The following GPALPP1 variants were observed in gnomAD, a reference collection of about 807,000 sequenced individuals.
GPALPP1 encodes the protein GPALPP motifs containing 1, also known as GPALPP motifs-containing protein 1.
A neutral mutation model predicts 38.9 loss-of-function variants in GPALPP1; 30 were observed. The ratio of observed to expected loss-of-function variants is 0.77; its 90% CI spans 0.58 to 1.05. The LOEUF is 1.05. Ranked by LOEUF, GPALPP1 falls within the 50% of genes least tolerant of loss-of-function variation. The pLI is 0.00. For synonymous variants in GPALPP1, 120 were observed against 139.2 expected (o/e 0.86, Z 0.97); for missense variants, 384 against 408.8 (o/e 0.94, Z 0.52).
chr13:44,997,531 GGAGTA>G (rs1873379232), intron 1 of GPALPP1, among the ~76,000 whole-genome samples: 1 of 151,910 alleles, frequency 6.6e-6, no homozygotes, highest in African/African-American at 2.4e-5. Flanking sequence ...ATTTTAAGCT[GGAGTA>G]GTGAGTCTAC....
chr13:44,989,953 C>T, intron 1 of GPALPP1: 2 of 592,886 alleles, frequency 3.4e-6, no homozygotes, highest in Non-Finnish European at 6.0e-6. Flanking sequence ...GGTTTGGCTT[C>T]GTGATGATAA....
chr13:44,993,860 T>C (rs374020104), intron 1 of GPALPP1, among the ~76,000 whole-genome samples: 46 of 151,794 alleles, frequency 3.0e-4, no homozygotes, highest in African/African-American at 1.1e-3. Flanking sequence ...TGAAGTGGTA[T>C]CTCATTGCTT....
intron 7 of GPALPP1, among the ~76,000 whole-genome samples, chr13:45,024,147 C>CTGTGTGTGTGTG (rs58048658): frequency 1.7e-4 from 4 of 23,344 alleles, no homozygotes; most frequent in Non-Finnish European, 2.8e-4. Context: ...CCCTAAAACT[C>CTGTGTGTGTGTG]TGTGTGTGTG....
intron 7 of GPALPP1, among the ~76,000 whole-genome samples, chr13:45,026,059 T>C (rs11617557): frequency 0.049 from 7,530 of 152,272 alleles, 276 homozygotes; most frequent in East Asian, 0.12. Context: ...CGTGAGCCAC[T>C]GCGCCCAGCC....
rs762483039 is a variant in GPALPP1, at chr13:45,014,989, C to T, written c.446C>T (p.Pro149Leu). 1.2e-6 allele frequency: 2 copies of T among 1,604,734 alleles called. No homozygotes were observed. Among genetic ancestry groups the T allele is most frequent in the African/African-American group, 2.7e-5 (2 of 74,678 alleles). The change falls in exon 5 of 8, where the codon CCA (proline) becomes CTA (leucine). Residue 149 changes from proline (P) to leucine (L), a missense_variant. Transcript: ENST00000379151. ...DSSEDEDIIG[P>L]MPAKGPVNYN... ...AGTGAAGATGAGGATATTATTGGAC[C>T]AATGCCTGCAAAAGGACCAGTTAAC...
In GPALPP1 at chr13:44,989,568, T is replaced by G; in HGVS notation, c.-87T>G. Reference sequence around the variant, plus strand: ...TTCTCGGCGCCGGGAAACCTGCCATTCTTCGCTGCTGATCGCGGGATTCTT... The same window carrying G: ...TTCTCGGCGCCGGGAAACCTGCCATGCTTCGCTGCTGATCGCGGGATTCTT... On this transcript the variant is annotated 5_prime_UTR_variant, in exon 1 of 8. It adds an upstream start codon to the 5' untranslated region. Transcript: ENST00000379151. 2.0e-6 allele frequency: 3 copies of G among 1,487,924 alleles called. No homozygotes were observed. Among genetic ancestry groups the G allele is most frequent in the Non-Finnish European group, 2.8e-6 (3 of 1,073,014 alleles). 92.2% of individuals were successfully genotyped at this position (1,487,924 alleles called of 1,614,324 possible).
intron 3 of GPALPP1, among the ~76,000 whole-genome samples, chr13:45,008,034 G>C (rs888127674): frequency 1.3e-5 from 2 of 152,278 alleles, no homozygotes; most frequent in Middle Eastern, 3.4e-3. Context: ...TTGACATCAA[G>C]TAGACCAGGG....
exon 8 of GPALPP1, chr13:45,037,190 A>C (rs1452185402): frequency 6.6e-6 from 1 of 152,240 alleles, no homozygotes; most frequent in East Asian, 1.9e-4. Context: ...CAAACAGGCT[A>C]TATGATAAAG....
chr13:44,991,464 G>T (rs896485703), intron 1 of GPALPP1, among the ~76,000 whole-genome samples: 1 of 151,856 alleles, frequency 6.6e-6, no homozygotes, highest in Non-Finnish European at 1.5e-5. Context: ...AAAAGAAAAA[G>T]ATTCTTCGTA....
At position 45,019,028 on chromosome 13, in the gene GPALPP1, TATATACATAGAA is replaced by T. The variant is rs1875136630; in HGVS notation, c.706-1296_706-1285del. 3.4e-3 allele frequency among the ~76,000 whole-genome samples: 134 copies of T among 39,832 alleles called. 5 individuals carry two copies. Among genetic ancestry groups the T allele is most frequent in the Non-Finnish European group, 7.8e-3 (74 of 9,468 alleles). 26.1% of individuals were successfully genotyped at this position (39,832 alleles called of 152,430 possible). A position where few individuals can be genotyped will look rare whatever the true frequency, so the allele number is the denominator to read the frequency against. On this transcript the variant is annotated intron_variant, in intron 6 of 7. Transcript: ENST00000379151. ...ATATAAATATATATACACATATAAA[TATATACATAGAA>T]ATATATAAATATAAATATATACATA...
At chr13:44,995,203 C>CACACACCCCT (rs10658655) in intron 1 of GPALPP1, among the ~76,000 whole-genome samples, 2 of 34,952 alleles carry the variant, frequency 5.7e-5, no homozygotes, top group Non-Finnish European at 2.3e-4. Flanking sequence ...CACACACACA[C>CACACACCCCT]CCCTTCTCTT....
intron 1 of GPALPP1, among the ~76,000 whole-genome samples, chr13:44,991,239 G>C (rs1000133887): frequency 5.8e-4 from 89 of 152,190 alleles, no homozygotes; most frequent in Non-Finnish European, 1.1e-3. Flanking sequence ...ACGAGGTCGA[G>C]AGATCGAGAC....
chr13:44,995,279 G>A (rs529681488), intron 1 of GPALPP1, among the ~76,000 whole-genome samples: 2 of 149,724 alleles, frequency 1.3e-5, no homozygotes, highest in South Asian at 2.1e-4. Context: ...TCTTCATCTC[G>A]AATAGTTTAT....
downstream of GPALPP1, chr13:45,030,786 C>T (rs1346867135): frequency 1.3e-5 from 2 of 152,246 alleles, no homozygotes; most frequent in East Asian, 3.9e-4. Context: ...TATTCTTCCT[C>T]TAATAATAGC....
At chr13:45,012,531 T>G (rs1169238265) in intron 4 of GPALPP1, among the ~76,000 whole-genome samples, 1 of 152,138 alleles carries the variant, frequency 6.6e-6, no homozygotes, top group Non-Finnish European at 1.5e-5. Context: ...GGAAAAAAAT[T>G]TTCAAAGGAG....
At chr13:45,018,473 G>A (rs1459806051) in intron 6 of GPALPP1, among the ~76,000 whole-genome samples, 1 of 151,648 alleles carries the variant, frequency 6.6e-6, no homozygotes, top group African/African-American at 2.4e-5. Flanking sequence ...GATCAGTTAA[G>A]TCCTCACTTT....
At chr13:45,006,175 C>A in intron 2 of GPALPP1, 27 bp from the exon 3 acceptor site, 2 of 1,332,928 alleles carry the variant, frequency 1.5e-6, no homozygotes, top group Non-Finnish European at 2.1e-6. Context: ...GACATATATG[C>A]ATAAAGTTAT....
intron 4 of GPALPP1, among the ~76,000 whole-genome samples, chr13:45,012,031 A>G (rs1199344669): frequency 6.6e-6 from 1 of 152,170 alleles, no homozygotes; most frequent in East Asian, 1.9e-4. Flanking sequence ...AACAACATTG[A>G]GGGAATTCAA....
At chr13:45,001,092 G>A (rs1873642218) in intron 1 of GPALPP1, among the ~76,000 whole-genome samples, 1 of 152,148 alleles carries the variant, frequency 6.6e-6, no homozygotes, top group Non-Finnish European at 1.5e-5. Flanking sequence ...CATGTTGTGG[G>A]AGGGACCTGG....
Sources: gnomAD v4.1 joint callset for allele counts (sites outside exome capture counted in the v4.1 genomes callset) on GRCh38, gnomAD v4.1.1 for gene constraint, MANE v1.5 for transcripts, NCBI Gene and HGNC (gene_info 2026-07-23, HGNC 2026-07-21) for gene names.